Variants in DNAH5 observed in about 807,000 individuals in gnomAD.
DNAH5 encodes the protein dynein axonemal heavy chain 5.
In DNAH5, 372 loss-of-function variants were observed where a neutral mutation model predicts 518.2. The ratio of observed to expected loss-of-function variants is 0.72; its 90% CI spans 0.66 to 0.78. The LOEUF (loss-of-function observed/expected upper bound fraction) is 0.78. DNAH5 is among the 30% of genes least tolerant of loss of function. The probability of loss-of-function intolerance (pLI) is 0.00; values close to 1 mark genes in which losing one functional copy is unlikely to be tolerated. For synonymous variants in DNAH5, 2,039 were observed against 2,025.9 expected (o/e 1.01, Z -0.17); for missense variants, 5,523 against 5,687.0 (o/e 0.97, Z 0.93).
intron 1 of DNAH5, among the ~76,000 whole-genome samples, chr5:13,990,780 T>C (rs1783487356): frequency 6.6e-6 from 1 of 151,566 alleles, no homozygotes; most frequent in African/African-American, 2.4e-5. Context: ...GGCAAGAGAA[T>C]CACTTGAACC....
rs1471755834 is a variant in DNAH5 at position 13,707,857 on chromosome 5, C to A, written c.13338+266G>T. On this transcript the variant is annotated intron_variant, in intron 76 of 78. Transcript: ENST00000265104. This position sits in a 1 kb window ranked among gnomAD's most constrained non-coding sequence, Gnocchi z 4.0. ...CTTAACCTGTCCCAAACTTAAGTTT[C>A]TCATCTGTAAAATAAGAGCAGTAAA... 6.6e-6 allele frequency among the ~76,000 whole-genome samples: 1 copy of A among 152,016 alleles called. No homozygotes were observed. The highest frequency in any genetic ancestry group is 1.9e-4 in the East Asian group (1 of 5,176).
At chr5:13,936,143 G>A (rs1778904654) in intron 1 of DNAH5, among the ~76,000 whole-genome samples, 1 of 152,174 alleles carries the variant, frequency 6.6e-6, no homozygotes, top group African/African-American at 2.4e-5. Context: ...TCAGAATGAG[G>A]TGGTAAGGTT....
chr5:13,817,894 A>G (rs1409803284), intron 41 of DNAH5, among the ~76,000 whole-genome samples, 200 bp from the exon 42 acceptor site: 1 of 152,182 alleles, frequency 6.6e-6, no homozygotes, highest in Non-Finnish European at 1.5e-5. Context: ...GCACTTTTTT[A>G]TCTTCTTTAG....
At chr5:13,858,214 T>C (rs2591557) in intron 30 of DNAH5, among the ~76,000 whole-genome samples, 2 of 152,102 alleles carry the variant, frequency 1.3e-5, no homozygotes, top group Non-Finnish European at 2.9e-5. Context: ...GTAGCACATA[T>C]ACACCATGGA....
rs1765377814 is a variant in DNAH5, at chr5:13,842,463, G to GA, written c.5272-560dup. Among the ~76,000 whole-genome samples the GA allele has an allele frequency of 3.8e-5, 4 of 104,650 alleles. 1 individual carries two copies. Among genetic ancestry groups the GA allele is most frequent in the African/African-American group, 8.1e-5 (2 of 24,790 alleles). 68.7% of individuals were successfully genotyped at this position (104,650 alleles called of 152,430 possible). A position where few individuals can be genotyped will look rare whatever the true frequency, so the allele number is the denominator to read the frequency against. ...AGAAAGAAAGAAAGAAAGAAAGAAA[G>GA]AAAGAAAGAAAGAAAGAAAGAGAAA... is the stretch of plus-strand genomic sequence containing the variant. On this transcript the variant is annotated intron_variant, in intron 32 of 78. Transcript: ENST00000265104.
At chr5:13,747,715 C>A (rs1224378274) in intron 65 of DNAH5, among the ~76,000 whole-genome samples, 1 of 152,130 alleles carries the variant, frequency 6.6e-6, no homozygotes, top group African/African-American at 2.4e-5. Context: ...ATATCCTTCG[C>A]CCGCTTGTTG....
Position 13,758,878 on chromosome 5 carries a change from C to T in DNAH5, c.10387G>A (p.Ala3463Thr), listed in dbSNP as rs956970346. The T allele has an allele frequency of 1.9e-6, 3 of 1,614,072 alleles. No individual in the cohort carries two copies. The highest frequency in any genetic ancestry group is 2.7e-5 in the African/African-American group (2 of 74,930). ...TCAGTCATGGCCTGTTCATACTCAG[C>T]CTGCACCACGTCAAGTTCCGCCTGC... is the stretch of plus-strand genomic sequence containing the variant. ...DKQAELDVVQAEYEQAMTEKQ... is the reference protein window; with the variant it reads ...DKQAELDVVQTEYEQAMTEKQ... Residue 3463 changes from alanine to threonine, a missense_variant, in exon 61 of 79, where the codon GCT becomes ACT. By Grantham distance (58) the Ala-to-Thr change is moderately conservative (BLOSUM62 0). Around this residue, in one of 3 missense-constraint regions of DNAH5, gnomAD observed 5,121 missense variants for 5,223.3 expected, o/e 0.98. Coordinates refer to ENST00000265104, the MANE Select transcript of DNAH5 (RefSeq NM_001369.3).
At chr5:14,003,400 G>A (rs1167006269) in intron 1 of DNAH5, among the ~76,000 whole-genome samples, 1 of 152,136 alleles carries the variant, frequency 6.6e-6, no homozygotes, top group African/African-American at 2.4e-5. Flanking sequence ...TATAATGTGA[G>A]CAGTACTTTG....
intron 45 of DNAH5, 29 bp from the exon 46 acceptor site, chr5:13,809,215 C>T (rs771795837): frequency 5.6e-6 from 9 of 1,613,360 alleles, no homozygotes; most frequent in Non-Finnish European, 8.5e-7. Flanking sequence ...ATTTCCATCT[C>T]CATATTAATA....
At chr5:13,717,184 A>G (rs767521567) in intron 73 of DNAH5, 131 bp downstream of exon 73, 17 of 828,392 alleles carry the variant, frequency 2.1e-5, no homozygotes, top group Non-Finnish European at 3.2e-5. Flanking sequence ...CCAAATTGCT[A>G]TGACTTAAAG....
intron 12 of DNAH5, among the ~76,000 whole-genome samples, chr5:13,907,524 G>A (rs1775471220): frequency 6.6e-6 from 1 of 152,138 alleles, no homozygotes; most frequent in African/African-American, 2.4e-5. Flanking sequence ...AGCATTAAAG[G>A]TGAAACGTGT....
Position 13,801,587 on chromosome 5 carries a change from C to T in DNAH5, c.7887+6004G>A, listed in dbSNP as rs563299295. Among the ~76,000 whole-genome samples the T allele has an allele frequency of 7.4e-4, 113 of 152,288 alleles. 4 individuals carry two copies. In the South Asian group the frequency reaches 0.022, roughly 30 times the overall value. On this transcript the variant is annotated intron_variant, in intron 47 of 78. Coordinates refer to ENST00000265104, the MANE Select transcript of DNAH5 (RefSeq NM_001369.3). ...ACCATCTTGGTCCAGCCCAACCTCC[C>T]TCCTGAGAAATGACTGCGACTGTCT...
In DNAH5 at chr5:13,820,357, C is replaced by A. The variant is rs1426889240; in HGVS notation, c.6830G>T (p.Arg2277Ile). 1 of 1,610,756 alleles carries A rather than the reference C, an allele frequency of 6.2e-7. No individual in the cohort carries two copies. The highest frequency in any genetic ancestry group is 8.5e-7 in the Non-Finnish European group (1 of 1,180,016). The change falls in exon 41 of 79, where the codon AGA (arginine) becomes ATA (isoleucine). Residue 2277 changes from arginine (R) to isoleucine (I), a missense_variant. Around this residue, in one of 3 missense-constraint regions of DNAH5, gnomAD observed 5,121 missense variants for 5,223.3 expected, o/e 0.98. Coordinates refer to ENST00000265104, the MANE Select transcript of DNAH5 (RefSeq NM_001369.3). ...GKTTCIHTLMRAMTDCGKPHR... is the reference protein window; with the variant it reads ...GKTTCIHTLMIAMTDCGKPHR... Reference sequence around the variant, plus strand: ...TGGCTGCCCTGTACCTGTCATGGCTCTCATCAAGGTGTGGATGCAGGTGGT... The same window carrying A: ...TGGCTGCCCTGTACCTGTCATGGCTATCATCAAGGTGTGGATGCAGGTGGT...
Position 13,714,599 on chromosome 5 carries a change from G to A in DNAH5, c.12931C>T (p.Pro4311Ser). ...YIQSLPAYDS[P>S]EVFGLHPNAD... The stretch of plus-strand genomic sequence containing the variant: ...TTGGGGTGCAGCCCAAACACCTCAG[G>A]GCTGTCATAGGCAGGCAAACTCTGA... Residue 4311 changes from proline to serine, a missense_variant, in exon 75 of 79, where the codon CCT becomes TCT. By Grantham distance (74) the Pro-to-Ser change is moderately conservative. Coordinates refer to ENST00000265104, the MANE Select transcript of DNAH5 (RefSeq NM_001369.3). 1 of 1,613,978 alleles carries A rather than the reference G, an allele frequency of 6.2e-7. No individual in the cohort carries two copies. Among genetic ancestry groups the A allele is most frequent in the Admixed American group, 1.7e-5 (1 of 60,020 alleles).
At chr5:13,765,046 G>A (rs1401629946) in intron 59 of DNAH5, among the ~76,000 whole-genome samples, 1 of 152,076 alleles carries the variant, frequency 6.6e-6, no homozygotes. Flanking sequence ...TGTTTTTGAG[G>A]TCATTTACAA....
At chr5:13,699,003 TG>T in intron 78 of DNAH5, among the ~76,000 whole-genome samples, 1 of 152,276 alleles carries the variant, frequency 6.6e-6, no homozygotes, top group Non-Finnish European at 1.5e-5. Context: ...CACCCCTGTT[TG>T]CGACTCAGCT....
chr5:13,800,865 T>C (rs1758642568), intron 47 of DNAH5, among the ~76,000 whole-genome samples: 1 of 152,162 alleles, frequency 6.6e-6, no homozygotes. Flanking sequence ...CAAGTAGATA[T>C]GTTCGCTTAT....
rs749388508 is a variant in DNAH5 at position 13,752,269 on chromosome 5, C to T, written c.10893G>A (p.Lys3631=). ...TGTCTTCCAGGTGGTTTCTGAAGTA[C>T]TTGTGATTTAAAGACGTGATCTAGG... ...NELQITSLNH[K]YFRNHLEDSL... is the part of the protein sequence containing the mutation. Residue 3631 remains lysine, a synonymous_variant, in exon 64 of 79, where the codon AAG becomes AAA. Coordinates refer to ENST00000265104, the MANE Select transcript of DNAH5 (RefSeq NM_001369.3). 7.4e-6 allele frequency: 12 copies of T among 1,613,906 alleles called. No homozygotes were observed. Among genetic ancestry groups the T allele is most frequent in the African/African-American group, 2.7e-5 (2 of 74,910 alleles).
At chr5:13,953,310 T>C (rs1780553613) in intron 1 of DNAH5, among the ~76,000 whole-genome samples, 1 of 152,128 alleles carries the variant, frequency 6.6e-6, no homozygotes, top group Admixed American at 6.5e-5. Flanking sequence ...ATAAATACAT[T>C]TGACAATAGC....
Sources: allele counts gnomAD v4.1 joint callset (sites outside exome capture counted in the v4.1 genomes callset), GRCh38; gene constraint gnomAD v4.1.1; regional missense constraint gnomAD v4.1.1; non-coding constraint Gnocchi (gnomAD v3.1); transcripts MANE v1.5; gene names NCBI Gene and HGNC (gene_info 2026-07-23, HGNC 2026-07-21).